PIK3C2A: variants seen among roughly 807,000 people sequenced by gnomAD.
PIK3C2A encodes the protein phosphatidylinositol-4-phosphate 3-kinase catalytic subunit type 2 alpha, also known as phosphatidylinositol 4-phosphate 3-kinase C2 domain-containing subunit alpha.
Under a neutral mutation model 204.5 loss-of-function variants are expected in PIK3C2A, and 97 were observed. The observed-to-expected ratio is 0.47, with a 90% CI of 0.40 to 0.56. The LOEUF (loss-of-function observed/expected upper bound fraction) is 0.56. Ranked by LOEUF, PIK3C2A falls within the 20% of genes least tolerant of loss-of-function variation. The pLI is 0.00. For missense variants in PIK3C2A, 1,735 were observed against 1,969.2 expected, an observed-to-expected ratio of 0.88 and a Z score of 2.25; for synonymous variants, 653 against 664.4, an observed-to-expected ratio of 0.98 and a Z score of 0.26.
At chr11:17,111,131 C>T (rs1848988860) in intron 21 of PIK3C2A, among the ~76,000 whole-genome samples, 1 of 152,114 alleles carries the variant, frequency 6.6e-6, no homozygotes, top group Non-Finnish European at 1.5e-5. Context: ...TGGTCTCGAA[C>T]TTCTGACCTC....
At chr11:17,174,905 A>T (rs11024180) in intron 1 of PIK3C2A, among the ~76,000 whole-genome samples, 40,348 of 152,026 alleles carry the variant, frequency 0.27, 6,083 homozygotes, top group African/African-American at 0.38. Context: ...TGTCTCAAAA[A>T]AAAATAAAAT....
chr11:17,127,849 A>G (rs555091444), intron 13 of PIK3C2A, among the ~76,000 whole-genome samples: 6 of 152,346 alleles, frequency 3.9e-5, no homozygotes, highest in African/African-American at 1.4e-4. Context: ...ACAAGGTTTC[A>G]AAAGATATAT....
intron 2 of PIK3C2A, among the ~76,000 whole-genome samples, chr11:17,160,486 G>A (rs1850739938): frequency 1.3e-5 from 2 of 152,156 alleles, no homozygotes; most frequent in South Asian, 4.1e-4. Context: ...AATAACAGAA[G>A]GAGAGCAAGA....
intron 18 of PIK3C2A, 26 bp downstream of exon 18, chr11:17,118,619 G>T (rs374969573): frequency 2.0e-6 from 2 of 996,580 alleles, no homozygotes; most frequent in Admixed American, 1.9e-5. Flanking sequence ...ATGGAAATAC[G>T]GTAATCAATA....
rs1231739827 is a variant in PIK3C2A at position 17,117,621 on chromosome 11, T to C, written c.3086A>G (p.His1029Arg). ...TACTGACAGGAGAGCACCCAAAACATGTTCGTATCGGGTACTAAACTGTAC... is the reference window on the plus strand; with the variant it reads ...TACTGACAGGAGAGCACCCAAAACACGTTCGTATCGGGTACTAAACTGTAC... ...HDVQFSTRYE[H>R]VLGALLSVGG... The change falls in exon 19 of 33, where the codon CAT becomes CGT. Residue 1029 changes from histidine to arginine, a missense_variant. By Grantham distance (29) the His-to-Arg change is conservative (BLOSUM62 0). Around this residue, in one of 6 missense-constraint regions of PIK3C2A, gnomAD observed 567 missense variants for 576.0 expected, o/e 0.98. Transcript: ENST00000691414. 2.5e-6 allele frequency: 4 copies of C among 1,613,136 alleles called. No homozygotes were observed. The Admixed American group carries it at 5.0e-5, about 20-fold the overall frequency.
At chr11:17,157,298 A>G (rs958149861) in intron 2 of PIK3C2A, among the ~76,000 whole-genome samples, 28 of 152,038 alleles carry the variant, frequency 1.8e-4, no homozygotes, top group African/African-American at 6.8e-4. Flanking sequence ...TGTCTCTACT[A>G]AAAATACAAA....
At chr11:17,198,017 T>C (rs1485865191) in intron 1 of PIK3C2A, among the ~76,000 whole-genome samples, 1 of 152,152 alleles carries the variant, frequency 6.6e-6, no homozygotes, top group Non-Finnish European at 1.5e-5. Flanking sequence ...CATCAACATG[T>C]GGATTAAATT....
intron 1 of PIK3C2A, 81 bp downstream of exon 1, chr11:17,207,766 GC>G (rs1178223997): frequency 6.6e-6 from 1 of 152,374 alleles, no homozygotes; most frequent in Non-Finnish European, 1.5e-5. Flanking sequence ...GACCCTTCCA[GC>G]CCGGGAACCC....
At chr11:17,148,363 T>C (rs781323013) in intron 5 of PIK3C2A, 6 of 262,836 alleles carry the variant, frequency 2.3e-5, no homozygotes, top group Non-Finnish European at 4.4e-5. Context: ...GATGTGACTA[T>C]TGACTCTTTA....
intron 17 of PIK3C2A, 98 bp from the exon 18 acceptor site, chr11:17,118,837 T>G: frequency 3.2e-6 from 2 of 618,720 alleles, no homozygotes; most frequent in Non-Finnish European, 5.7e-6. Flanking sequence ...CAAGTATTAC[T>G]CTTACTGATG....
intron 1 of PIK3C2A, among the ~76,000 whole-genome samples, chr11:17,178,104 A>AAAG (rs1377930003): frequency 2.3e-4 from 22 of 95,742 alleles, no homozygotes; most frequent in African/African-American, 8.5e-4. Flanking sequence ...AAAAAAAAAA[A>AAAG]AAAAAAAAGA....
At chr11:17,190,151 T>A (rs540416440) in intron 1 of PIK3C2A, among the ~76,000 whole-genome samples, 1 of 151,986 alleles carries the variant, frequency 6.6e-6, no homozygotes, top group Admixed American at 6.6e-5. Context: ...TAATCCCAGT[T>A]ACTCTGGAGG....
intron 28 of PIK3C2A, 58 bp downstream of exon 28, chr11:17,094,203 C>T (rs1848390839): frequency 7.4e-7 from 1 of 1,342,350 alleles, no homozygotes; most frequent in Non-Finnish European, 1.0e-6. Context: ...TTTCTACCTA[C>T]ATTTGATAAC....
chr11:17,138,300 C>T (rs923641218), intron 8 of PIK3C2A: 15 of 604,158 alleles, frequency 2.5e-5, no homozygotes, highest in Non-Finnish European at 3.3e-5. Flanking sequence ...CCAAATGCCC[C>T]GGAAGACGAA....
intron 9 of PIK3C2A, among the ~76,000 whole-genome samples, chr11:17,135,677 ATGTGTG>A (rs35017690): frequency 0.27 from 39,500 of 147,216 alleles, 5,664 homozygotes; most frequent in South Asian, 0.37. Flanking sequence ...AATTTCATAT[ATGTGTG>A]TGTGTGTGTG....
intron 18 of PIK3C2A, 77 bp downstream of exon 18, chr11:17,118,568 A>C: frequency 1.4e-6 from 1 of 713,820 alleles, no homozygotes; most frequent in Non-Finnish European, 2.5e-6. Context: ...GTGGCATACC[A>C]TTTAGACTTA....
chr11:17,094,321 T>C lies in PIK3C2A; in HGVS notation c.4391A>G (p.Asp1464Gly). 1 of 1,611,324 alleles carries C rather than the reference T, an allele frequency of 6.2e-7. No homozygotes were observed. The highest frequency in any genetic ancestry group is 8.5e-7 in the Non-Finnish European group (1 of 1,177,472). ...IEPSFVFRTF[D>G]EFQELHNKLS... Reference sequence around the variant, plus strand: ...CTTATTGTGAAGTTCCTGAAATTCGTCAAATGTTCGGAAGACAAATGATGG... The same window carrying C: ...CTTATTGTGAAGTTCCTGAAATTCGCCAAATGTTCGGAAGACAAATGATGG... The change falls in exon 28 of 33, where the codon GAC becomes GGC. Residue 1464 changes from aspartate to glycine, a missense_variant. Physicochemically the swap from Asp to Gly is moderately conservative, Grantham distance 94 (BLOSUM62 -1). Transcript: ENST00000691414.
rs144091333 is a variant in PIK3C2A, at chr11:17,129,659, T to C, written c.2232-192A>G. Among the ~76,000 whole-genome samples, 53 of 152,380 alleles carry C rather than the reference T, an allele frequency of 3.5e-4. No homozygotes were observed. In the East Asian group the frequency reaches 0.01, roughly 29 times the overall value. On this transcript the variant is annotated intron_variant, in intron 12 of 32. Coordinates refer to ENST00000691414, the MANE Select transcript of PIK3C2A (RefSeq NM_002645.4). ...TAGGCTGGAGTGCAATGGCACGATC[T>C]TGGCTCACTGCAACCTCCGCCTCCT...
At position 17,145,659 on chromosome 11, in the gene PIK3C2A, A is replaced by G. The variant is rs745792621; in HGVS notation, c.1704+9T>C. 3.9e-6 allele frequency: 6 copies of G among 1,555,268 alleles called. No individual in the cohort carries two copies. The highest frequency in any genetic ancestry group is 5.3e-6 in the Non-Finnish European group (6 of 1,130,080). ...AAGTCATTATGCCAAAATGTGAATT[A>G]AGACTTACTTCAATTTGAAGAGCCA... On this transcript the variant is annotated intron_variant, in intron 8 of 32. Coordinates refer to ENST00000691414, the MANE Select transcript of PIK3C2A (RefSeq NM_002645.4).
Sources: allele counts gnomAD v4.1 joint callset (sites outside exome capture counted in the v4.1 genomes callset), GRCh38; gene constraint gnomAD v4.1.1; regional missense constraint gnomAD v4.1.1; transcripts MANE v1.5; gene names NCBI Gene and HGNC (gene_info 2026-07-23, HGNC 2026-07-21).